Variants in FAT1 observed in about 807,000 individuals in gnomAD.
FAT1 encodes the protein FAT atypical cadherin 1, also known as protocadherin Fat 1.
Under a neutral mutation model 329.8 loss-of-function variants are expected in FAT1, and 171 were observed. The ratio of observed to expected loss-of-function variants is 0.52; its 90% CI spans 0.46 to 0.59. The LOEUF is 0.59. Ranked by LOEUF, FAT1 falls within the 20% of genes least tolerant of loss-of-function variation. The pLI is 0.00. For missense variants in FAT1, 5,672 were observed against 5,774.4 expected (o/e 0.98, Z 0.57); for synonymous variants, 2,233 against 2,228.6 (o/e 1.00, Z -0.06).
At chr4:186,678,398 G>A (rs1186276016) in intron 2 of FAT1, among the ~76,000 whole-genome samples, 1 of 150,870 alleles carries the variant, frequency 6.6e-6, no homozygotes, top group African/African-American at 2.4e-5. Context: ...AGCCCAGGAG[G>A]TGGAGGCCAG....
At chr4:186,685,932 C>T (rs899273725) in intron 2 of FAT1, among the ~76,000 whole-genome samples, 6 of 152,192 alleles carry the variant, frequency 3.9e-5, no homozygotes, top group Admixed American at 1.3e-4. Flanking sequence ...GTTAAACTCT[C>T]TACACCAAAG....
At chr4:186,617,561 CAG>C (rs1182224155) in intron 10 of FAT1, 145 bp downstream of exon 10, 5 of 696,922 alleles carry the variant, frequency 7.2e-6, no homozygotes. Flanking sequence ...TGAGGCTCAA[CAG>C]ATGTTATTTC....
At chr4:186,679,162 C>T (rs147659555) in intron 2 of FAT1, among the ~76,000 whole-genome samples, 3,722 of 152,068 alleles carry the variant, frequency 0.024, 177 homozygotes, top group African/African-American at 0.086. Flanking sequence ...GGGTGGATCA[C>T]GAGGTCAGGA....
rs2126527270 is a variant in FAT1 at position 186,621,648 on chromosome 4, TG to T, written c.4937del (p.Pro1646GlnfsTer2). 6.2e-7 allele frequency: 1 copy of T among 1,614,028 alleles called. No homozygotes were observed. The highest frequency in any genetic ancestry group is 8.5e-7 in the Non-Finnish European group (1 of 1,179,898). On this transcript the variant is annotated frameshift_variant, in exon 10 of 27. Transcript: ENST00000441802. LOFTEE classifies it high-confidence loss of function. ...MVKATDKGSP[P>X]MSEITSVRIF... ...TACGCACAGAAGTTATTTCACTCAT[TG>T]GTGGACTGCCCTTATCTGTAGCTTT...
At chr4:186,686,561 T>A (rs1251729430) in intron 2 of FAT1, among the ~76,000 whole-genome samples, 1 of 152,234 alleles carries the variant, frequency 6.6e-6, no homozygotes, top group East Asian at 1.9e-4. Flanking sequence ...TTGAATCTAT[T>A]GCCTAAAGTC....
chr4:186,725,541 G>A (rs1745690377), upstream of FAT1, among the ~76,000 whole-genome samples: 1 of 151,670 alleles, frequency 6.6e-6, no homozygotes, highest in Non-Finnish European at 1.5e-5. The surrounding 1 kb of genome is among the most constrained non-coding windows in gnomAD (Gnocchi z 5.4). Context: ...AAATCTATCT[G>A]CCTGGAAGAA....
chr4:186,589,098 C>T lies in FAT1; in HGVS notation c.13261G>A (p.Asp4421Asn), dbSNP rs1048107807. The change falls in exon 27 of 27, where the codon GAT becomes AAT. Residue 4421 changes from aspartate (D) to asparagine (N), a missense_variant. By Grantham distance (23) the Asp-to-Asn change is conservative. This residue lies in a region of FAT1 where 1,706 missense variants were observed against 1,859.1 expected (regional missense o/e 0.92). Coordinates refer to ENST00000441802, the MANE Select transcript of FAT1 (RefSeq NM_005245.4). ...TAGCCTCCAGGGTAATAGTCCGTATCGATGGCGTTTGGATCTGCTGAGTAC... is the reference window on the plus strand; with the variant it reads ...TAGCCTCCAGGGTAATAGTCCGTATTGATGGCGTTTGGATCTGCTGAGTAC... The part of the protein sequence containing the change: ...PLYSADPNAI[D>N]TDYYPGGYDI... The T allele has an allele frequency of 4.3e-6, 7 of 1,613,908 alleles. No individual in the cohort carries two copies. Among genetic ancestry groups the T allele is most frequent in the South Asian group, 2.2e-5 (2 of 91,068 alleles).
Position 186,695,596 on chromosome 4 carries a change from A to G in FAT1, c.3265+10967T>C, listed in dbSNP as rs1170320387. ...TCTATTTCCATTTTAAATTTTACGCATTCAACCAGTATTGGCTGGATGCCT... is the reference window on the plus strand; with the variant it reads ...TCTATTTCCATTTTAAATTTTACGCGTTCAACCAGTATTGGCTGGATGCCT... On this transcript the variant is annotated intron_variant, in intron 2 of 26. Transcript: ENST00000441802. Among the ~76,000 whole-genome samples, 3 of 152,262 alleles carry G rather than the reference A, an allele frequency of 2.0e-5. No individual in the cohort carries two copies. In the East Asian group the frequency reaches 5.8e-4, roughly 29 times the overall value.
intron 1 of FAT1, among the ~76,000 whole-genome samples, chr4:186,713,085 A>G (rs1033331694): frequency 1.1e-4 from 17 of 151,988 alleles, no homozygotes; most frequent in African/African-American, 4.1e-4. Context: ...AGTACATTAT[A>G]CTAGATACAA....
chr4:186,633,648 C>T lies in FAT1; in HGVS notation c.4323+36G>A, dbSNP rs1426888460. The stretch of plus-strand genomic sequence containing the variant: ...CCTAAGTCAGAACGTTATCTCCATC[C>T]TCCTCTGACAAGTGTGTCATTAGTA... On this transcript the variant is annotated intron_variant, in intron 7 of 26. Coordinates refer to ENST00000441802, the MANE Select transcript of FAT1 (RefSeq NM_005245.4). 3 of 1,612,330 alleles carry T rather than the reference C, an allele frequency of 1.9e-6. No homozygotes were observed. The Admixed American group carries it at 5.0e-5, about 27-fold the overall frequency.
chr4:186,617,309 AATTG>A (rs1394958259), intron 10 of FAT1, 108 bp from the exon 11 acceptor site: 2 of 809,764 alleles, frequency 2.5e-6, no homozygotes, highest in African/African-American at 3.5e-5. Context: ...AGTTTAAAAG[AATTG>A]AGTATTAAAA....
intron 2 of FAT1, among the ~76,000 whole-genome samples, chr4:186,695,218 A>T (rs1224566962): frequency 6.6e-6 from 1 of 152,200 alleles, no homozygotes; most frequent in Non-Finnish European, 1.5e-5. Flanking sequence ...TTTATACTTA[A>T]AACAAAAGAA....
rs775329895 is a variant in FAT1, at chr4:186,709,034, G to C, written c.794C>G (p.Ser265Ter). The C allele has an allele frequency of 6.2e-7, 1 of 1,613,994 alleles. No homozygotes were observed. Among genetic ancestry groups the C allele is most frequent in the Non-Finnish European group, 8.5e-7 (1 of 1,179,878 alleles). Residue 265 changes from serine to a stop codon, truncating the protein, a stop_gained, in exon 2 of 27, where the codon TCA becomes TGA. Transcript: ENST00000441802. LOFTEE classifies it high-confidence loss of function. ...PVITAVTLSP[S>*]ELDRDPAYAI... is the part of the protein sequence containing the mutation. ...ATATGCTGGGTCCCTGTCCAGTTCT[G>C]ATGGTGACAATGTCACTGCTGTTAT...
rs772995774 is a variant in FAT1 at position 186,706,798 on chromosome 4, A to T, written c.3030T>A (p.Val1010=). 1 of 1,613,994 alleles carries T rather than the reference A, an allele frequency of 6.2e-7. No individual in the cohort carries two copies. Among genetic ancestry groups the T allele is most frequent in the Non-Finnish European group, 8.5e-7 (1 of 1,179,894 alleles). Residue 1010 remains valine, a synonymous_variant, in exon 2 of 27, where the codon GTT becomes GTA. Transcript: ENST00000441802. ...TVRAKDKGKP[V]SLSSTCYVEV... ...CAACATAGCAAGTAGAAGACAGAGA[A>T]ACTGGCTTTCCCTTGTCTTTGGCCC...
chr4:186,679,918 C>T (rs1290028478), intron 2 of FAT1, among the ~76,000 whole-genome samples: 1 of 152,128 alleles, frequency 6.6e-6, no homozygotes, highest in Non-Finnish European at 1.5e-5. Context: ...TTATAACGTG[C>T]CATCTAAAGA....
In FAT1 at chr4:186,706,962, A is replaced by T. The variant is rs2126684398; in HGVS notation, c.2866T>A (p.Leu956Ile). 1.9e-6 allele frequency: 3 copies of T among 1,613,878 alleles called. No individual in the cohort carries two copies. Among genetic ancestry groups the T allele is most frequent in the Non-Finnish European group, 2.5e-6 (3 of 1,179,862 alleles). Residue 956 changes from leucine (L) to isoleucine (I), a missense_variant, in exon 2 of 27, where the codon TTA (leucine) becomes ATA (isoleucine). Physicochemically the swap from Leu to Ile is conservative, Grantham distance 5 (BLOSUM62 2). Coordinates refer to ENST00000441802, the MANE Select transcript of FAT1 (RefSeq NM_005245.4). ...IMWLEAHDPD[L>I]GQSGQVRYSL... ...TATCTCACCTGACCAGACTGACCTA[A>T]ATCAGGATCGTGGGCTTCTAACCAC...
chr4:186,617,332 T>G, intron 10 of FAT1, 131 bp from the exon 11 acceptor site: 1 of 694,086 alleles, frequency 1.4e-6, no homozygotes, highest in South Asian at 2.6e-5. Flanking sequence ...AAGAATTAAT[T>G]TGGCATATAT....
rs34932295 is a variant in FAT1, at chr4:186,695,760, AACACACAC to A, written c.3265+10795_3265+10802del. 6.5e-3 allele frequency among the ~76,000 whole-genome samples: 917 copies of A among 141,330 alleles called. 9 individuals are homozygous for A. The highest frequency in any genetic ancestry group is 0.019 in the African/African-American group (708 of 37,756). 92.7% of individuals were successfully genotyped at this position (141,330 alleles called of 152,430 possible). A position where few individuals can be genotyped will look rare whatever the true frequency, so the allele number is the denominator to read the frequency against. ...AATTTTTAATATGTATTATATATAA[AACACACAC>A]ACACACACACACACACACACACACA... On this transcript the variant is annotated intron_variant, in intron 2 of 26. Transcript: ENST00000441802.
rs183766547 is a variant in FAT1, at chr4:186,699,509, T to C, written c.3265+7054A>G. Among the ~76,000 whole-genome samples the C allele has an allele frequency of 2.4e-4, 36 of 152,334 alleles. 1 individual carries two copies. In the East Asian group the frequency reaches 3.1e-3, roughly 13 times the overall value. On this transcript the variant is annotated intron_variant, in intron 2 of 26. Transcript: ENST00000441802. ...TGAAGTATATATGTGAATAGTTTCC[T>C]AGACTTACTGTCACTGCTGTGAAAC...
Sources: gnomAD v4.1 joint callset for allele counts (sites outside exome capture counted in the v4.1 genomes callset) on GRCh38, gnomAD v4.1.1 for gene constraint, gnomAD v4.1.1 regional missense constraint, Gnocchi (gnomAD v3.1) non-coding constraint, MANE v1.5 for transcripts, NCBI Gene and HGNC (gene_info 2026-07-23, HGNC 2026-07-21) for gene names.